The following APLF variants were observed in gnomAD, a reference collection of about 807,000 sequenced individuals.
APLF encodes the protein aprataxin and PNK-like factor.
A neutral mutation model predicts 55.6 loss-of-function variants in APLF; 61 were observed. The ratio of observed to expected loss-of-function variants is 1.10; its 90% CI spans 0.89 to 1.36. The LOEUF is 1.36. APLF is among the 40% of genes most tolerant of loss of function. The pLI is 0.00. For missense variants in APLF, 611 were observed against 602.5 expected (o/e 1.01, Z -0.15); for synonymous variants, 207 against 214.8 (o/e 0.96, Z 0.32).
intron 8 of APLF, among the ~76,000 whole-genome samples, chr2:68,557,162 A>G (rs1671039867): frequency 6.6e-6 from 1 of 152,174 alleles, no homozygotes; most frequent in Non-Finnish European, 1.5e-5. Flanking sequence ...CTTATGTACA[A>G]TAGTATAGTA....
chr2:68,478,813 T>C (rs1176310730), intron 1 of APLF, among the ~76,000 whole-genome samples: 1 of 152,214 alleles, frequency 6.6e-6, no homozygotes, highest in East Asian at 1.9e-4. Context: ...TTCTACTGTT[T>C]TGTGCAAATG....
At chr2:68,510,509 A>C (rs972137969) in intron 3 of APLF, among the ~76,000 whole-genome samples, 2 of 151,892 alleles carry the variant, frequency 1.3e-5, no homozygotes, top group African/African-American at 4.8e-5. Flanking sequence ...GAAAGCTATA[A>C]TCAAAAATAT....
chr2:68,511,725 TAGTGG>T (rs1247738632), intron 3 of APLF, among the ~76,000 whole-genome samples: 10 of 151,798 alleles, frequency 6.6e-5, no homozygotes, highest in Non-Finnish European at 1.3e-4. Context: ...CTGGGTATTG[TAGTGG>T]AGTGAACTTT....
chr2:68,570,563 G>A (rs539803103), intron 9 of APLF, among the ~76,000 whole-genome samples: 6 of 151,864 alleles, frequency 4.0e-5, no homozygotes, highest in East Asian at 1.9e-4. Context: ...TTGTCCTTGC[G>A]ATAGTTTGCT....
chr2:68,516,768 C>A (rs1420574173), intron 5 of APLF, among the ~76,000 whole-genome samples: 1 of 147,546 alleles, frequency 6.8e-6, no homozygotes, highest in Non-Finnish European at 1.5e-5. Flanking sequence ...GCCATTATTT[C>A]ATTCCTTTTT....
At chr2:68,510,841 A>G (rs1384720538) in intron 3 of APLF, among the ~76,000 whole-genome samples, 1 of 151,854 alleles carries the variant, frequency 6.6e-6, no homozygotes, top group Non-Finnish European at 1.5e-5. Context: ...TTATTTGGCC[A>G]TAAAGAGGAA....
intron 1 of APLF, among the ~76,000 whole-genome samples, chr2:68,482,751 C>T (rs1382808213): frequency 6.6e-6 from 1 of 152,102 alleles, no homozygotes; most frequent in Non-Finnish European, 1.5e-5. Flanking sequence ...GGTGGTTCCA[C>T]CAGACTGTTT....
Position 68,578,655 on chromosome 2 carries a change from T to A in APLF, c.*633T>A. On this transcript the variant is annotated 3_prime_UTR_variant, in exon 10 of 10. Coordinates refer to ENST00000303795, the MANE Select transcript of APLF (RefSeq NM_173545.3). ...AGGGAATGTTATTTTGTGTTCCACATCTGCAATTTACTGTATGTTTGAATT... is the reference window on the plus strand; with the variant it reads ...AGGGAATGTTATTTTGTGTTCCACAACTGCAATTTACTGTATGTTTGAATT... The A allele has an allele frequency of 1.0e-6, 1 of 985,350 alleles. No homozygotes were observed. Among genetic ancestry groups the A allele is most frequent in the South Asian group, 4.7e-5 (1 of 21,288 alleles). The allele number at this position is 985,350 out of a possible 1,614,324, so 61.0% of individuals were successfully genotyped here.
intron 8 of APLF, among the ~76,000 whole-genome samples, chr2:68,549,001 T>C (rs1670783839): frequency 6.6e-6 from 1 of 152,038 alleles, no homozygotes; most frequent in African/African-American, 2.4e-5. Flanking sequence ...TCTAAAAACC[T>C]ACCACAACAC....
intron 1 of APLF, among the ~76,000 whole-genome samples, chr2:68,484,337 A>G (rs916492564): frequency 4.6e-5 from 7 of 152,148 alleles, no homozygotes; most frequent in African/African-American, 1.7e-4. Context: ...ACATGGTATC[A>G]CTACAAAAGT....
At chr2:68,572,474 A>G (rs569618839) in intron 9 of APLF, among the ~76,000 whole-genome samples, 41 of 152,350 alleles carry the variant, frequency 2.7e-4, no homozygotes, top group East Asian at 9.6e-4. Flanking sequence ...AGAATTATCA[A>G]TGTTAAGCTA....
chr2:68,550,476 C>T (rs1223752516), intron 8 of APLF, among the ~76,000 whole-genome samples: 2 of 152,150 alleles, frequency 1.3e-5, no homozygotes, highest in Admixed American at 1.3e-4. Context: ...AAGTGATCTG[C>T]CCACCTCAGC....
At chr2:68,525,854 A>G (rs1308677364) in intron 5 of APLF, among the ~76,000 whole-genome samples, 2 of 138,530 alleles carry the variant, frequency 1.4e-5, no homozygotes, top group Non-Finnish European at 3.0e-5. Flanking sequence ...GGTTCAAGTG[A>G]TTCTTATGCC....
intron 1 of APLF, among the ~76,000 whole-genome samples, chr2:68,489,731 A>G (rs780792303): frequency 3.3e-5 from 5 of 152,200 alleles, no homozygotes; most frequent in African/African-American, 1.2e-4. Flanking sequence ...CCCAAAGCCT[A>G]TAGTCAGACC....
At chr2:68,498,116 C>T (rs530605316) in intron 2 of APLF, among the ~76,000 whole-genome samples, 18 of 152,290 alleles carry the variant, frequency 1.2e-4, no homozygotes, top group African/African-American at 4.3e-4. Flanking sequence ...TCTTGAAAAT[C>T]AGAATGAGAT....
Position 68,529,336 on chromosome 2 carries a change from A to G in APLF, c.804+3094A>G, listed in dbSNP as rs1455068740. On this transcript the variant is annotated intron_variant, in intron 6 of 9. Coordinates refer to ENST00000303795, the MANE Select transcript of APLF (RefSeq NM_173545.3). The surrounding 1 kb of genome is among the most constrained non-coding windows in gnomAD (Gnocchi z 4.4). ...AGCCAAAGAGTCCTGGGGCAGGCAC[A>G]GGTGCAGGAGCCGCGGGGTGAGCCC... 2 of 1,339,430 alleles carry G rather than the reference A, an allele frequency of 1.5e-6. No individual in the cohort carries two copies. The highest frequency in any genetic ancestry group is 9.6e-7 in the Non-Finnish European group (1 of 1,046,204). 83.0% of individuals were successfully genotyped at this position (1,339,430 alleles called of 1,614,324 possible). A position where few individuals can be genotyped will look rare whatever the true frequency, so the allele number is the denominator to read the frequency against.
chr2:68,470,941 C>T (rs1675597949), intron 1 of APLF, among the ~76,000 whole-genome samples: 1 of 152,206 alleles, frequency 6.6e-6, no homozygotes, highest in South Asian at 2.1e-4. Flanking sequence ...TAACCATCCC[C>T]TGACCTGGCA....
intron 3 of APLF, among the ~76,000 whole-genome samples, chr2:68,507,018 T>C (rs538008107): frequency 2.0e-5 from 3 of 152,052 alleles, no homozygotes; most frequent in South Asian, 2.1e-4. Context: ...TGTTTACTTT[T>C]GGAGAAGGAA....
intron 3 of APLF, among the ~76,000 whole-genome samples, chr2:68,512,228 T>C (rs1264217210): frequency 6.6e-6 from 1 of 151,688 alleles, no homozygotes; most frequent in African/African-American, 2.4e-5. Flanking sequence ...CCCCAATCCC[T>C]GGCAACCATT....
Sources: gnomAD v4.1 joint callset for allele counts (sites outside exome capture counted in the v4.1 genomes callset) on GRCh38, gnomAD v4.1.1 for gene constraint, Gnocchi (gnomAD v3.1) non-coding constraint, MANE v1.5 for transcripts, NCBI Gene and HGNC (gene_info 2026-07-23, HGNC 2026-07-21) for gene names.